FGGY: variants seen among roughly 807,000 people sequenced by gnomAD.
FGGY encodes FGGY carbohydrate kinase domain-containing protein.
In FGGY, 72 loss-of-function variants were observed where a neutral mutation model predicts 71.3. The observed-to-expected ratio is 1.01, with a 90% confidence interval of 0.84 to 1.23. FGGY has a LOEUF of 1.23. Ranked by LOEUF, FGGY falls within the 50% of genes most tolerant of loss-of-function variation. The pLI is 0.00. For synonymous variants in FGGY, 251 were observed against 250.3 expected (o/e 1.00, Z -0.02); for missense variants, 668 against 682.3 (o/e 0.98, Z 0.23).
At chr1:59,325,253 A>G (rs1341496263) in intron 2 of FGGY, among the ~76,000 whole-genome samples, 5 of 151,872 alleles carry the variant, frequency 3.3e-5, no homozygotes, top group Non-Finnish European at 7.4e-5. Context: ...GCTACTTGGG[A>G]GGCTGAGGCA....
intron 4 of FGGY, among the ~76,000 whole-genome samples, chr1:59,352,090 C>A (rs1256675284): frequency 6.6e-6 from 1 of 152,114 alleles, no homozygotes; most frequent in Non-Finnish European, 1.5e-5. Flanking sequence ...TTTCATAACC[C>A]CCAGCAGTCT....
intron 5 of FGGY, among the ~76,000 whole-genome samples, chr1:59,400,513 A>T (rs1410824414): frequency 6.7e-6 from 1 of 150,148 alleles, no homozygotes; most frequent in Admixed American, 6.6e-5. Context: ...ACGTTTTGAG[A>T]CCTTCATTTT....
rs185094089 is a variant in FGGY, at chr1:59,434,239, T to A, written c.555-22722T>A. On this transcript the variant is annotated intron_variant, in intron 5 of 15. Transcript: ENST00000303721. ...CTTTGTGTCTTTTTCTGCCAGTTTC[T>A]AGGACCTAGAAGGTATTCAGTAAAT... Among the ~76,000 whole-genome samples the A allele has an allele frequency of 6.6e-4, 100 of 152,342 alleles. 1 individual carries two copies. Among genetic ancestry groups the A allele is most frequent in the African/African-American group, 2.4e-3 (98 of 41,580 alleles).
At chr1:59,531,527 A>G (rs1483832900) in intron 7 of FGGY, among the ~76,000 whole-genome samples, 2 of 152,330 alleles carry the variant, frequency 1.3e-5, no homozygotes, top group South Asian at 2.1e-4. Context: ...AGATCAAAAG[A>G]GAAGCCTACA....
chr1:59,324,560 G>A (rs2047036621), intron 2 of FGGY, among the ~76,000 whole-genome samples: 1 of 152,114 alleles, frequency 6.6e-6, no homozygotes, highest in Non-Finnish European at 1.5e-5. Context: ...ACAGGCGTGA[G>A]CCACCGCGCC....
At chr1:59,493,388 C>T (rs555528669) in intron 6 of FGGY, among the ~76,000 whole-genome samples, 17 of 148,226 alleles carry the variant, frequency 1.1e-4, no homozygotes, top group Admixed American at 7.5e-4. Context: ...GGAAGCAAAC[C>T]AAGTGTTCAT....
intron 14 of FGGY, chr1:59,697,759 A>G (rs2097674679): frequency 8.0e-7 from 1 of 1,250,436 alleles, no homozygotes; most frequent in African/African-American, 1.6e-5. Flanking sequence ...CACAAGAGGT[A>G]AACAGAATTG....
chr1:59,388,417 G>A (rs575716597), intron 5 of FGGY, among the ~76,000 whole-genome samples: 66 of 152,268 alleles, frequency 4.3e-4, no homozygotes, highest in African/African-American at 1.5e-3. Flanking sequence ...TAAGAGGATG[G>A]GGTGCAAAGT....
intron 9 of FGGY, among the ~76,000 whole-genome samples, chr1:59,608,651 G>A (rs918119390): frequency 1.4e-4 from 21 of 152,072 alleles, no homozygotes; most frequent in African/African-American, 5.1e-4. Flanking sequence ...TGACCAACAT[G>A]GTGAAACCTC....
At chr1:59,672,985 G>A (rs1050399706) in intron 13 of FGGY, among the ~76,000 whole-genome samples, 7 of 152,126 alleles carry the variant, frequency 4.6e-5, no homozygotes, top group Non-Finnish European at 8.8e-5. Context: ...TCAGATGCCT[G>A]TTTAAGCCTC....
intron 1 of FGGY, 38 bp from the exon 2 acceptor site, chr1:59,321,498 C>A: frequency 6.4e-7 from 1 of 1,574,408 alleles, no homozygotes; most frequent in Non-Finnish European, 8.7e-7. Context: ...TGCAGATCCA[C>A]TTGGTCTTCA....
chr1:59,372,116 A>G (rs1571179095), intron 4 of FGGY, among the ~76,000 whole-genome samples: 1 of 152,226 alleles, frequency 6.6e-6, no homozygotes, highest in Non-Finnish European at 1.5e-5. Flanking sequence ...AAGTTAATGA[A>G]TCCAGGAGCT....
At chr1:59,632,632 G>T (rs1234930538) in intron 10 of FGGY, among the ~76,000 whole-genome samples, 1 of 152,164 alleles carries the variant, frequency 6.6e-6, no homozygotes, top group Non-Finnish European at 1.5e-5. Context: ...CAGTATGTTT[G>T]GCACTGTGCT....
At chr1:59,757,700 T>G (rs778312628) in intron 14 of FGGY, among the ~76,000 whole-genome samples, 12 of 152,202 alleles carry the variant, frequency 7.9e-5, no homozygotes, top group Non-Finnish European at 1.6e-4. Flanking sequence ...ACACAAGTAT[T>G]TATTAAGCCC....
chr1:59,411,176 T>G (rs2063549589), intron 5 of FGGY, among the ~76,000 whole-genome samples: 1 of 152,260 alleles, frequency 6.6e-6, no homozygotes, highest in South Asian at 2.1e-4. Context: ...TCTTTTTGTC[T>G]TTCATGACCA....
chr1:59,641,229 T>G (rs376384800), intron 11 of FGGY: 1 of 1,437,270 alleles, frequency 7.0e-7, no homozygotes. Flanking sequence ...TAGATTGCCT[T>G]TAGCATTTTA....
chr1:59,588,210 C>T (rs975247605), intron 8 of FGGY, among the ~76,000 whole-genome samples: 10 of 151,680 alleles, frequency 6.6e-5, no homozygotes, highest in Non-Finnish European at 1.0e-4. Context: ...GAAGATGAAG[C>T]GAATGAAATG....
At chr1:59,378,607 C>A in intron 4 of FGGY, 142 bp from the exon 5 acceptor site, 2 of 624,402 alleles carry the variant, frequency 3.2e-6, no homozygotes, top group Non-Finnish European at 5.6e-6. Context: ...TTATATTATT[C>A]CTACCCCCAC....
chr1:59,601,446 G>C (rs746976337), intron 8 of FGGY, among the ~76,000 whole-genome samples: 1 of 152,166 alleles, frequency 6.6e-6, no homozygotes, highest in South Asian at 2.1e-4. Context: ...CTTGAGCATA[G>C]ACAAAAAGAG....
Sources: gnomAD v4.1 joint callset for allele counts (sites outside exome capture counted in the v4.1 genomes callset) on GRCh38, gnomAD v4.1.1 for gene constraint, MANE v1.5 for transcripts, NCBI Gene and HGNC (gene_info 2026-07-23, HGNC 2026-07-21) for gene names.